The following CNTRL variants were observed in gnomAD, a reference collection of about 807,000 sequenced individuals.
CNTRL encodes the protein centriolin.
In CNTRL, 233 loss-of-function variants were observed where a neutral mutation model predicts 303.7. That is an observed-to-expected ratio of 0.77 (90% CI 0.69 to 0.86). The LOEUF is 0.86. Ranked by LOEUF, CNTRL falls within the 40% of genes least tolerant of loss-of-function variation. The probability of loss-of-function intolerance (pLI) is 0.00; values close to 1 mark genes in which losing one functional copy is unlikely to be tolerated. For missense variants in CNTRL, 2,524 were observed against 2,650.6 expected, an observed-to-expected ratio of 0.95 and a Z score of 1.05; for synonymous variants, 900 against 922.2, an observed-to-expected ratio of 0.98 and a Z score of 0.44.
intron 31 of CNTRL, 88 bp from the exon 32 acceptor site, chr9:121,160,055 A>T: frequency 9.9e-7 from 1 of 1,011,848 alleles, no homozygotes; most frequent in East Asian, 2.9e-5. Flanking sequence ...AATTTCTATG[A>T]TATAAAACAA....
At chr9:121,104,070 G>A (rs147100597) in intron 7 of CNTRL, among the ~76,000 whole-genome samples, 63 of 152,248 alleles carry the variant, frequency 4.1e-4, no homozygotes, top group East Asian at 7.7e-4. Context: ...AAAGACACAC[G>A]CACACATATG....
chr9:121,161,129 TGA>T lies in CNTRL; in HGVS notation c.5090-723_5090-722del, dbSNP rs539556339. Among the ~76,000 whole-genome samples the T allele has an allele frequency of 2.2e-4, 20 of 91,280 alleles. No homozygotes were observed. The South Asian group carries it at 0.017, about 77-fold the overall frequency. The allele number at this position is 91,280 out of a possible 152,430, so 59.9% of individuals were successfully genotyped here. ...TAGTCCCAGTTTATTTTAAAATGTG[TGA>T]GAGTGTGTGTGTGTGCGCGCGTGCT... On this transcript the variant is annotated intron_variant, in intron 32 of 43. Transcript: ENST00000373855.
rs1564176696 is a variant in CNTRL at position 121,074,997 on chromosome 9, CCT to C, written c.-274_-273del. ...AAAATGGCTGCCGCGCCGCTGGGCC[CCT>C]GAGGAAAGAGCCCGAACTTCTCCCG... On this transcript the variant is annotated 5_prime_UTR_variant, in exon 1 of 44. It removes the in-frame stop codon of an upstream open reading frame in the 5' UTR. Coordinates refer to ENST00000373855, the MANE Select transcript of CNTRL (RefSeq NM_007018.6). 4.4e-6 allele frequency: 2 copies of C among 455,410 alleles called. No homozygotes were observed. Among genetic ancestry groups the C allele is most frequent in the Non-Finnish European group, 4.4e-6 (1 of 226,374 alleles). The allele number at this position is 455,410 out of a possible 1,614,324, so 28.2% of individuals were successfully genotyped here.
chr9:121,134,378 C>T (rs2051060983), intron 14 of CNTRL, among the ~76,000 whole-genome samples: 1 of 151,948 alleles, frequency 6.6e-6, no homozygotes, highest in Admixed American at 6.6e-5. Flanking sequence ...GCAACCTCCG[C>T]CTCCCAGGTT....
intron 1 of CNTRL, among the ~76,000 whole-genome samples, chr9:121,078,742 A>G (rs938245544): frequency 5.9e-5 from 9 of 152,238 alleles, no homozygotes; most frequent in African/African-American, 2.2e-4. Flanking sequence ...TTAATTTGCT[A>G]GAGCAGCTCA....
At position 121,154,717 on chromosome 9, in the gene CNTRL, T is replaced by C. The variant is rs1419157293; in HGVS notation, c.4173-4T>C. On this transcript the variant is annotated splice_polypyrimidine_tract_variant and splice_region_variant and intron_variant, in intron 26 of 43. Coordinates refer to ENST00000373855, the MANE Select transcript of CNTRL (RefSeq NM_007018.6). ...TTTTAATGGGTGTATATATTATTTT[T>C]TAGGGACTTCATTGATGGAAATGTT... is the stretch of plus-strand genomic sequence containing the variant. The C allele has an allele frequency of 6.4e-6, 10 of 1,572,168 alleles. No homozygotes were observed. The highest frequency in any genetic ancestry group is 8.7e-6 in the Non-Finnish European group (10 of 1,143,710).
chr9:121,118,673 C>T, intron 12 of CNTRL, 133 bp downstream of exon 12: 1 of 592,546 alleles, frequency 1.7e-6, no homozygotes, highest in South Asian at 4.0e-5. Context: ...TATATACATA[C>T]AGTCAGCCCT....
At chr9:121,141,941 C>T (rs1330195467) in intron 18 of CNTRL, 150 bp from the exon 19 acceptor site, 17 of 644,188 alleles carry the variant, frequency 2.6e-5, no homozygotes, top group South Asian at 4.4e-5. Context: ...TCCTAGAGAT[C>T]GTTCAAGATA....
At position 121,090,310 on chromosome 9, in the gene CNTRL, G is replaced by A; in HGVS notation, c.253G>A (p.Glu85Lys). 6.2e-7 allele frequency: 1 copy of A among 1,611,776 alleles called. No individual in the cohort carries two copies. Among genetic ancestry groups the A allele is most frequent in the Non-Finnish European group, 8.5e-7 (1 of 1,178,706 alleles). Reference protein sequence around the residue: ...DSHAGVRYITEALIKKLTKQD... With the variant: ...DSHAGVRYITKALIKKLTKQD... ...ACATGCAGGAGTTAGATATATTACA[G>A]AGGCCCTCATTAAAAAACTTACTAA... Residue 85 changes from glutamate (E) to lysine (K), a missense_variant, in exon 4 of 44, where the codon GAG becomes AAG. By Grantham distance (56) the Glu-to-Lys change is moderately conservative. Transcript: ENST00000373855.
Position 121,112,491 on chromosome 9 carries a change from A to T in CNTRL, c.1035A>T (p.Ala345=). ...AGAAGACCATAGAATTAACACGAGCATGTCAGAAGCAATATGAGCTGGAAC... is the reference window on the plus strand; with the variant it reads ...AGAAGACCATAGAATTAACACGAGCTTGTCAGAAGCAATATGAGCTGGAAC... ...LKQKTIELTR[A]CQKQYELEQE... The change falls in exon 9 of 44, where the codon GCA becomes GCT. Residue 345 remains alanine (A), a synonymous_variant. Coordinates refer to ENST00000373855, the MANE Select transcript of CNTRL (RefSeq NM_007018.6). 1 of 1,613,126 alleles carries T rather than the reference A, an allele frequency of 6.2e-7. No homozygotes were observed. Among genetic ancestry groups the T allele is most frequent in the Non-Finnish European group, 8.5e-7 (1 of 1,179,260 alleles).
intron 8 of CNTRL, among the ~76,000 whole-genome samples, chr9:121,108,482 T>C (rs921938736): frequency 1.3e-5 from 2 of 152,206 alleles, no homozygotes; most frequent in Non-Finnish European, 2.9e-5. Flanking sequence ...TAGTTTTCTC[T>C]TTTGCTTATT....
rs1409870143 is a variant in CNTRL, at chr9:121,138,532, C to G, written c.2203-13C>G. 6.2e-7 allele frequency: 1 copy of G among 1,609,902 alleles called. No homozygotes were observed. Among genetic ancestry groups the G allele is most frequent in the Admixed American group, 1.7e-5 (1 of 59,404 alleles). On this transcript the variant is annotated splice_polypyrimidine_tract_variant and intron_variant, in intron 15 of 43. Transcript: ENST00000373855. The stretch of plus-strand genomic sequence containing the variant: ...GTTTTACACTTTCATGTCATTGCTT[C>G]CTATGGTGACAGTTAGAACAATCAG...
At chr9:121,093,749 T>G (rs2048763543) in intron 4 of CNTRL, among the ~76,000 whole-genome samples, 1 of 152,214 alleles carries the variant, frequency 6.6e-6, no homozygotes, top group Admixed American at 6.5e-5. Flanking sequence ...GTGCAATGCC[T>G]CATATGTAGT....
intron 8 of CNTRL, among the ~76,000 whole-genome samples, chr9:121,108,429 C>T (rs2049585817): frequency 6.6e-6 from 1 of 152,142 alleles, no homozygotes; most frequent in Non-Finnish European, 1.5e-5. Flanking sequence ...AATGTCAGAC[C>T]TTAAGACTTT....
chr9:121,122,117 C>T lies in CNTRL; in HGVS notation c.1651-1814C>T, dbSNP rs185357539. Among the ~76,000 whole-genome samples the T allele has an allele frequency of 1.5e-3, 232 of 152,212 alleles. 1 individual carries two copies. The highest frequency in any genetic ancestry group is 2.8e-3 in the Non-Finnish European group (192 of 68,002). ...AATGTACACCATTGGCATATTGAAC[C>T]AGATTTTTATCCTGCGTATAAAGGT... On this transcript the variant is annotated intron_variant, in intron 12 of 43. Coordinates refer to ENST00000373855, the MANE Select transcript of CNTRL (RefSeq NM_007018.6).
At chr9:121,157,676 G>A (rs1323858543) in intron 28 of CNTRL, 64 bp from the exon 29 acceptor site, 3 of 1,605,874 alleles carry the variant, frequency 1.9e-6, no homozygotes, top group Non-Finnish European at 2.6e-6. Flanking sequence ...ATAATAATTG[G>A]TTTATGATAA....
intron 11 of CNTRL, among the ~76,000 whole-genome samples, chr9:121,117,512 G>A (rs1342923190): frequency 2.0e-5 from 3 of 152,070 alleles, no homozygotes; most frequent in African/African-American, 7.2e-5. Context: ...AACTAATTAG[G>A]TAACTGTAGC....
chr9:121,082,728 T>C (rs1454152915), intron 2 of CNTRL, among the ~76,000 whole-genome samples: 1 of 152,088 alleles, frequency 6.6e-6, no homozygotes, highest in African/African-American at 2.4e-5. Context: ...TCCCAGCACT[T>C]TGGGAGGCCA....
chr9:121,177,191 T>C lies in CNTRL; in HGVS notation c.*5T>C, dbSNP rs1475628542. ...AAGAATGCCTCAGCCAGATGAGGAA[T>C]ACTGTCTTGTGTAAATATATTCAAG... is the stretch of plus-strand genomic sequence containing the variant. On this transcript the variant is annotated 3_prime_UTR_variant, in exon 44 of 44. Coordinates refer to ENST00000373855, the MANE Select transcript of CNTRL (RefSeq NM_007018.6). 20 of 1,608,374 alleles carry C rather than the reference T, an allele frequency of 1.2e-5. No individual in the cohort carries two copies. The highest frequency in any genetic ancestry group is 2.7e-5 in the African/African-American group (2 of 74,774).
Sources: gnomAD v4.1 joint callset for allele counts (sites outside exome capture counted in the v4.1 genomes callset) on GRCh38, gnomAD v4.1.1 for gene constraint, MANE v1.5 for transcripts, NCBI Gene and HGNC (gene_info 2026-07-23, HGNC 2026-07-21) for gene names.